Variants in RNF150 observed in about 807,000 individuals in gnomAD.
The protein encoded by RNF150 is ring finger protein 150.
Under a neutral mutation model 39.3 loss-of-function variants are expected in RNF150, and 24 were observed. That is an observed-to-expected ratio of 0.61 (90% CI 0.44 to 0.86). RNF150 has a LOEUF of 0.86. Among genes scored for constraint, RNF150 ranks in the 40% least tolerant of loss-of-function variants. The pLI is 0.00. For missense variants in RNF150, 502 were observed against 587.8 expected, an observed-to-expected ratio of 0.85 and a Z score of 1.51; for synonymous variants, 255 against 227.3, an observed-to-expected ratio of 1.12 and a Z score of -1.10.
At chr4:140,887,653 T>C (rs547497140) in intron 6 of RNF150, among the ~76,000 whole-genome samples, 6 of 152,132 alleles carry the variant, frequency 3.9e-5, no homozygotes, top group African/African-American at 1.2e-4. Flanking sequence ...TGTTACAAAA[T>C]AGCACAACAC....
At chr4:141,047,027 T>G (rs757364055) in intron 1 of RNF150, among the ~76,000 whole-genome samples, 32 of 152,000 alleles carry the variant, frequency 2.1e-4, no homozygotes, top group Non-Finnish European at 3.8e-4. Flanking sequence ...GAATAGAAAT[T>G]TAAATCTATT....
At chr4:141,189,011 G>C (rs140620765) in intron 1 of RNF150, among the ~76,000 whole-genome samples, 1 of 152,198 alleles carries the variant, frequency 6.6e-6, no homozygotes, top group Admixed American at 6.5e-5. Flanking sequence ...CCTCATCTTC[G>C]TGGATTTATC....
intron 1 of RNF150, among the ~76,000 whole-genome samples, chr4:141,139,402 A>G (rs1055609778): frequency 1.3e-5 from 2 of 152,198 alleles, no homozygotes; most frequent in East Asian, 3.8e-4. Context: ...AAACACACAT[A>G]TAAGAATTCA....
intron 1 of RNF150, among the ~76,000 whole-genome samples, chr4:141,105,918 A>G (rs950968311): frequency 6.6e-6 from 1 of 152,056 alleles, no homozygotes. Context: ...TTGCTCAAAA[A>G]CCTTTAATGC....
In RNF150 at chr4:141,132,923, G is replaced by T; in HGVS notation, c.-115C>A. The T allele has an allele frequency of 2.5e-6, 2 of 796,858 alleles. No individual in the cohort carries two copies. Among genetic ancestry groups the T allele is most frequent in the Non-Finnish European group, 3.8e-6 (2 of 526,932 alleles). 49.4% of individuals were successfully genotyped at this position (796,858 alleles called of 1,614,324 possible). A position where few individuals can be genotyped will look rare whatever the true frequency, so the allele number is the denominator to read the frequency against. On this transcript the variant is annotated 5_prime_UTR_variant, in exon 1 of 7. Coordinates refer to ENST00000515673, the MANE Select transcript of RNF150 (RefSeq NM_020724.2). The surrounding 1 kb of genome is among the most constrained non-coding windows in gnomAD (Gnocchi z 4.9). ...TCTCCTCCTGCTGCTGCTCACTCCC[G>T]GGCCGGAGGGGCCGCGGCCGGGACG...
intron 1 of RNF150, among the ~76,000 whole-genome samples, chr4:141,064,390 G>T (rs995898480): frequency 9.2e-5 from 14 of 152,224 alleles, no homozygotes; most frequent in Admixed American, 9.2e-4. Context: ...AATATTATGA[G>T]GTCAATGGTT....
intron 1 of RNF150, among the ~76,000 whole-genome samples, chr4:141,081,711 G>A (rs1738155115): frequency 6.6e-6 from 1 of 152,172 alleles, no homozygotes; most frequent in Admixed American, 6.5e-5. Context: ...GTAAGTACGC[G>A]TGTGTGTACC....
intron 1 of RNF150, among the ~76,000 whole-genome samples, chr4:141,073,308 G>A (rs1260636775): frequency 6.6e-6 from 1 of 152,076 alleles, no homozygotes; most frequent in Non-Finnish European, 1.5e-5. Flanking sequence ...CAGATACCGG[G>A]CATTATCTCC....
At chr4:140,943,509 A>T (rs1732167879) in intron 4 of RNF150, among the ~76,000 whole-genome samples, 1 of 152,196 alleles carries the variant, frequency 6.6e-6, no homozygotes, top group South Asian at 2.1e-4. Flanking sequence ...ACATGAAAAC[A>T]TTACTTTTTT....
chr4:140,919,883 C>T (rs1731031239), intron 5 of RNF150, among the ~76,000 whole-genome samples: 1 of 152,042 alleles, frequency 6.6e-6, no homozygotes. Context: ...AATAACGCCA[C>T]ATATCTACAA....
Position 141,060,346 on chromosome 4 carries a change from C to T in RNF150, c.484+71979G>A, listed in dbSNP as rs79472488. On this transcript the variant is annotated intron_variant, in intron 1 of 6. Transcript: ENST00000515673. The stretch of plus-strand genomic sequence containing the variant: ...GTCCCAGATACTTGGGAAGTTCAGG[C>T]GGGAGGACTGGTTGAGCCCAGGAGG... Among the ~76,000 whole-genome samples, 55 of 151,950 alleles carry T rather than the reference C, an allele frequency of 3.6e-4. No individual in the cohort carries two copies. In the East Asian group the frequency reaches 8.7e-3, roughly 24 times the overall value.
chr4:141,151,168 T>C (rs576810881), intron 1 of RNF150, among the ~76,000 whole-genome samples: 1 of 152,238 alleles, frequency 6.6e-6, no homozygotes, highest in East Asian at 1.9e-4. Flanking sequence ...GGTCTAGAAC[T>C]CCTGGCCTCA....
At chr4:140,882,248 T>C (rs1425088254) in intron 6 of RNF150, among the ~76,000 whole-genome samples, 1 of 152,200 alleles carries the variant, frequency 6.6e-6, no homozygotes, top group African/African-American at 2.4e-5. Context: ...CTCGATCTGC[T>C]GACCTCGTGA....
intron 6 of RNF150, among the ~76,000 whole-genome samples, chr4:140,891,978 C>A (rs1729769902): frequency 6.6e-6 from 1 of 152,192 alleles, no homozygotes; most frequent in African/African-American, 2.4e-5. Flanking sequence ...GTCCCCCCAA[C>A]CACCTCTCTT....
intron 1 of RNF150, among the ~76,000 whole-genome samples, chr4:141,122,683 A>T (rs2111089609): frequency 1.3e-5 from 2 of 152,358 alleles, no homozygotes; most frequent in Middle Eastern, 3.4e-3. Context: ...GGAAGAACCA[A>T]GGAAATTTCA....
Position 141,007,452 on chromosome 4 carries a change from T to C in RNF150, c.485-39579A>G, listed in dbSNP as rs568723790. Among the ~76,000 whole-genome samples the C allele has an allele frequency of 2.0e-5, 3 of 152,348 alleles. No individual in the cohort carries two copies. In the South Asian group the frequency reaches 6.2e-4, roughly 32 times the overall value. Reference sequence around the variant, plus strand: ...TCTATCACAGGGTGAACGGACTATGTATATAACCTTTAAAATTTCTGCCAG... The same window carrying C: ...TCTATCACAGGGTGAACGGACTATGCATATAACCTTTAAAATTTCTGCCAG... On this transcript the variant is annotated intron_variant, in intron 1 of 6. Transcript: ENST00000515673.
intron 1 of RNF150, among the ~76,000 whole-genome samples, chr4:141,062,611 C>G (rs1737280804): frequency 6.6e-6 from 1 of 152,102 alleles, no homozygotes; most frequent in South Asian, 2.1e-4. Context: ...GCATAAGATT[C>G]CTAGGCAGGG....
Position 140,870,980 on chromosome 4 carries a change from TTCTCTC to T in RNF150, c.1199-2607_1199-2602del, listed in dbSNP as rs146835294. Among the ~76,000 whole-genome samples the T allele has an allele frequency of 4.2e-3, 632 of 149,030 alleles. 1 individual carries two copies. The highest frequency in any genetic ancestry group is 0.014 in the African/African-American group (553 of 40,278). On this transcript the variant is annotated intron_variant, in intron 6 of 6. Transcript: ENST00000515673. ...TTAAACATCATTTTTACAATAAGAA[TTCTCTC>T]TCTCTCTCTCTCTCTCTATATATAT...
At chr4:140,949,439 T>C in intron 2 of RNF150, 67 bp from the exon 3 acceptor site, 3 of 1,313,846 alleles carry the variant, frequency 2.3e-6, no homozygotes, top group African/African-American at 1.4e-5. Context: ...TCTGATATCA[T>C]TTAATACACC....
Sources: allele counts gnomAD v4.1 joint callset (sites outside exome capture counted in the v4.1 genomes callset), GRCh38; gene constraint gnomAD v4.1.1; non-coding constraint Gnocchi (gnomAD v3.1); transcripts MANE v1.5; gene names NCBI Gene and HGNC (gene_info 2026-07-23, HGNC 2026-07-21).